The following SGCZ variants were observed in gnomAD, a reference collection of about 807,000 sequenced individuals.
The protein encoded by SGCZ is zeta-sarcoglycan.
A neutral mutation model predicts 41.3 loss-of-function variants in SGCZ; 40 were observed. That is an observed-to-expected ratio of 0.97 (90% confidence interval 0.75 to 1.26). The LOEUF is 1.26. SGCZ is among the 50% of genes most tolerant of loss of function. The pLI is 0.00. For synonymous variants in SGCZ, 206 were observed against 137.5 expected (o/e 1.50, Z -3.49); for missense variants, 552 against 369.8 (o/e 1.49, Z -4.04).
chr8:14,624,555 A>ATTATTATTTTTTTTTTTTTTT (rs1438250019), intron 1 of SGCZ, among the ~76,000 whole-genome samples: 4 of 96,266 alleles, frequency 4.2e-5, no homozygotes, highest in Non-Finnish European at 5.9e-5. Flanking sequence ...TATTATTATT[A>ATTATTATTTTTTTTTTTTTTT]TTTTTTTTTT....
chr8:14,821,081 G>C (rs1031276174), intron 1 of SGCZ, among the ~76,000 whole-genome samples: 2 of 151,698 alleles, frequency 1.3e-5, no homozygotes, highest in South Asian at 2.1e-4. Flanking sequence ...CCTTAAGATA[G>C]ACAACAAAAA....
intron 2 of SGCZ, among the ~76,000 whole-genome samples, chr8:14,427,589 C>A (rs546665691): frequency 4.7e-4 from 71 of 152,242 alleles, no homozygotes; most frequent in African/African-American, 1.7e-3. Context: ...CCTACTAGAC[C>A]CCTCCATCTT....
chr8:14,960,197 G>A (rs1485697821), intron 1 of SGCZ, among the ~76,000 whole-genome samples: 1 of 152,124 alleles, frequency 6.6e-6, no homozygotes, highest in African/African-American at 2.4e-5. Flanking sequence ...GAGGGTGAAT[G>A]CAATATTTTT....
chr8:14,917,430 A>G (rs150137970), intron 1 of SGCZ, among the ~76,000 whole-genome samples: 9 of 152,236 alleles, frequency 5.9e-5, no homozygotes, highest in Non-Finnish European at 1.2e-4. Flanking sequence ...TCCTAAATCA[A>G]ATCTCTTACA....
chr8:14,991,522 T>G (rs949384645), intron 1 of SGCZ, among the ~76,000 whole-genome samples: 1 of 152,160 alleles, frequency 6.6e-6, no homozygotes, highest in South Asian at 2.1e-4. Context: ...TCAACTTTCA[T>G]GTCATCTGGC....
At chr8:14,374,282 G>A (rs746493399) in intron 2 of SGCZ, among the ~76,000 whole-genome samples, 5 of 152,150 alleles carry the variant, frequency 3.3e-5, no homozygotes, top group Non-Finnish European at 5.9e-5. Flanking sequence ...AGGAGGCTGA[G>A]ATGGGAGGAT....
intron 1 of SGCZ, among the ~76,000 whole-genome samples, chr8:15,094,002 G>C (rs1585555589): frequency 6.6e-6 from 1 of 152,136 alleles, no homozygotes; most frequent in African/African-American, 2.4e-5. Flanking sequence ...ACCTGCTAGT[G>C]GGGGAAACAG....
At chr8:14,876,979 T>C (rs1460409369) in intron 1 of SGCZ, among the ~76,000 whole-genome samples, 1 of 152,162 alleles carries the variant, frequency 6.6e-6, no homozygotes, top group Non-Finnish European at 1.5e-5. Flanking sequence ...CCTTCATTTT[T>C]ATTTTTTTAT....
intron 1 of SGCZ, among the ~76,000 whole-genome samples, chr8:15,074,914 C>A (rs1247844630): frequency 2.6e-5 from 4 of 152,278 alleles, no homozygotes; most frequent in Middle Eastern, 6.8e-3. Context: ...ATCTCTGTAT[C>A]TGACCCTATC....
At chr8:15,000,458 A>G (rs1802375771) in intron 1 of SGCZ, among the ~76,000 whole-genome samples, 1 of 152,132 alleles carries the variant, frequency 6.6e-6, no homozygotes, top group African/African-American at 2.4e-5. Context: ...AATGAAAATT[A>G]TTGTCTAACA....
At chr8:15,146,754 C>CA (rs1799047719) in intron 1 of SGCZ, among the ~76,000 whole-genome samples, 1 of 151,986 alleles carries the variant, frequency 6.6e-6, no homozygotes. Context: ...ATTACTTTGA[C>CA]AAAAATATTT....
chr8:14,759,356 A>T (rs1799786868), intron 1 of SGCZ, among the ~76,000 whole-genome samples: 1 of 149,038 alleles, frequency 6.7e-6, no homozygotes, highest in East Asian at 2.0e-4. Flanking sequence ...AAAAAAAAAA[A>T]TGTTATTTTT....
intron 2 of SGCZ, among the ~76,000 whole-genome samples, chr8:14,450,262 C>G (rs780229264): frequency 2.0e-5 from 3 of 152,180 alleles, no homozygotes; most frequent in Non-Finnish European, 4.4e-5. Flanking sequence ...ATTTCACAAC[C>G]AAGCATCGTG....
intron 1 of SGCZ, among the ~76,000 whole-genome samples, chr8:15,141,259 G>C (rs184548611): frequency 6.6e-6 from 1 of 152,154 alleles, no homozygotes; most frequent in Admixed American, 6.5e-5. Context: ...AGGGGTTGTG[G>C]ATTCAAACCC....
intron 1 of SGCZ, among the ~76,000 whole-genome samples, chr8:15,022,632 G>A (rs183287155): frequency 1.6e-4 from 24 of 152,196 alleles, no homozygotes; most frequent in Admixed American, 1.2e-3. Context: ...GTGAACCATC[G>A]TGCCTGGCCT....
At chr8:14,423,545 T>C (rs967513577) in intron 2 of SGCZ, among the ~76,000 whole-genome samples, 7 of 152,110 alleles carry the variant, frequency 4.6e-5, no homozygotes, top group African/African-American at 7.2e-5. Context: ...GCCTCCCTAG[T>C]AGCTGGGATT....
intron 1 of SGCZ, among the ~76,000 whole-genome samples, chr8:14,978,443 C>T (rs1585431532): frequency 1.8e-5 from 2 of 110,050 alleles, no homozygotes; most frequent in South Asian, 5.6e-4. Context: ...TGCACTCTAG[C>T]CTGGAGGACC....
At chr8:14,712,674 A>G (rs73529204) in intron 1 of SGCZ, among the ~76,000 whole-genome samples, 6,461 of 152,204 alleles carry the variant, frequency 0.042, 461 homozygotes, top group African/African-American at 0.15. Context: ...GGCCTTTGAG[A>G]CAGTGCACGG....
chr8:14,480,370 C>G (rs1344482204), intron 2 of SGCZ, among the ~76,000 whole-genome samples: 1 of 152,038 alleles, frequency 6.6e-6, no homozygotes, highest in Non-Finnish European at 1.5e-5. Context: ...TATTTTTTCT[C>G]CAGCCTCCTT....
Sources: gnomAD v4.1 joint callset for allele counts (sites outside exome capture counted in the v4.1 genomes callset) on GRCh38, gnomAD v4.1.1 for gene constraint, MANE v1.5 for transcripts, NCBI Gene and HGNC (gene_info 2026-07-23, HGNC 2026-07-21) for gene names.